Variants in LNPK observed in about 807,000 individuals in gnomAD.
LNPK encodes the protein lunapark, ER junction formation factor, also known as endoplasmic reticulum junction formation protein lunapark.
A neutral mutation model predicts 55.2 loss-of-function variants in LNPK; 29 were observed. That is an observed-to-expected ratio of 0.53 (90% CI 0.39 to 0.72). The LOEUF (loss-of-function observed/expected upper bound fraction) is 0.72, where lower values mean the gene tolerates loss of function less well. Ranked by LOEUF, LNPK falls within the 30% of genes least tolerant of loss-of-function variation. The probability of loss-of-function intolerance (pLI) is 0.00; values close to 1 mark genes in which losing one functional copy is unlikely to be tolerated. For missense variants in LNPK, 467 were observed against 494.8 expected (o/e 0.94, Z 0.53); for synonymous variants, 162 against 168.2 (o/e 0.96, Z 0.29).
chr2:175,951,809 A>G (rs1311046860), intron 8 of LNPK, among the ~76,000 whole-genome samples: 4 of 151,910 alleles, frequency 2.6e-5, no homozygotes, highest in Admixed American at 6.6e-5. Flanking sequence ...GGAAATCTCC[A>G]TACTGTTTTC....
chr2:175,955,683 A>G (rs1685657917), intron 8 of LNPK, among the ~76,000 whole-genome samples: 1 of 152,218 alleles, frequency 6.6e-6, no homozygotes, highest in South Asian at 2.1e-4. Context: ...AGCAAAATAT[A>G]AAGTATTGCT....
chr2:175,995,046 C>T (rs1232843212), intron 2 of LNPK, among the ~76,000 whole-genome samples: 2 of 151,346 alleles, frequency 1.3e-5, no homozygotes, highest in East Asian at 2.0e-4. Context: ...CTCAGCCTCC[C>T]GAGTAGCTGG....
At chr2:175,991,955 G>A (rs112609557) in intron 4 of LNPK, among the ~76,000 whole-genome samples, 155 of 152,156 alleles carry the variant, frequency 1.0e-3, no homozygotes, top group African/African-American at 3.3e-3. Context: ...AGTGCCCTTC[G>A]GGGAGCATGG....
At chr2:175,938,651 G>A (rs997616041) in intron 10 of LNPK, 4 of 229,632 alleles carry the variant, frequency 1.7e-5, no homozygotes, top group African/African-American at 4.5e-5. Flanking sequence ...TATTAAATTA[G>A]CAGAAACATA....
intron 4 of LNPK, among the ~76,000 whole-genome samples, chr2:175,982,615 G>C (rs369398597): frequency 6.6e-6 from 1 of 152,080 alleles, no homozygotes; most frequent in African/African-American, 2.4e-5. Flanking sequence ...GACTGGTCTT[G>C]AACTCCTGGC....
intron 4 of LNPK, among the ~76,000 whole-genome samples, chr2:175,981,414 G>A (rs1442204802): frequency 1.3e-5 from 2 of 152,140 alleles, no homozygotes; most frequent in Non-Finnish European, 2.9e-5. Context: ...GTGAATTTAG[G>A]AGTAGATTAG....
At chr2:175,989,949 A>T (rs1169424089) in intron 4 of LNPK, among the ~76,000 whole-genome samples, 3 of 152,224 alleles carry the variant, frequency 2.0e-5, no homozygotes, top group Admixed American at 2.0e-4. Flanking sequence ...CTTTCCAGTA[A>T]AAGCATTTGG....
At chr2:176,001,057 T>C (rs924858325) in intron 1 of LNPK, among the ~76,000 whole-genome samples, 2 of 152,196 alleles carry the variant, frequency 1.3e-5, no homozygotes, top group Admixed American at 1.3e-4. Context: ...ATATAAACAC[T>C]ATATAAGTTT....
At chr2:175,978,861 G>A (rs1328016797) in intron 5 of LNPK, among the ~76,000 whole-genome samples, 1 of 152,118 alleles carries the variant, frequency 6.6e-6, no homozygotes, top group Non-Finnish European at 1.5e-5. Context: ...AGAAGGAGGA[G>A]CAAAAGGGTC....
At chr2:175,966,389 G>A (rs568199179) in intron 6 of LNPK, among the ~76,000 whole-genome samples, 21 of 152,114 alleles carry the variant, frequency 1.4e-4, no homozygotes, top group Non-Finnish European at 2.8e-4. Flanking sequence ...TTTAAATAAT[G>A]TAAATGTAAA....
At chr2:175,991,427 G>A (rs899748103) in intron 4 of LNPK, among the ~76,000 whole-genome samples, 12 of 152,120 alleles carry the variant, frequency 7.9e-5, no homozygotes, top group Middle Eastern at 3.2e-3. Flanking sequence ...AGCTACATAC[G>A]AACTTATAAT....
chr2:175,956,959 C>T (rs1430727540), intron 8 of LNPK, among the ~76,000 whole-genome samples: 2 of 152,118 alleles, frequency 1.3e-5, no homozygotes, highest in African/African-American at 4.8e-5. Context: ...TATGACTATT[C>T]ATTTTAAGTA....
intron 6 of LNPK, among the ~76,000 whole-genome samples, chr2:175,968,110 T>C (rs1343882091): frequency 6.6e-6 from 1 of 152,186 alleles, no homozygotes; most frequent in Admixed American, 6.5e-5. Context: ...TTGTACCACT[T>C]CTCTATGATT....
chr2:175,980,076 T>C (rs553893685), intron 4 of LNPK, among the ~76,000 whole-genome samples: 2 of 152,324 alleles, frequency 1.3e-5, no homozygotes, highest in South Asian at 4.1e-4. Flanking sequence ...TCCACAGACC[T>C]TCTGATGATC....
At position 175,925,179 on chromosome 2, in the gene LNPK, C is replaced by T. The variant is rs918324731; in HGVS notation, c.*4788G>A. 1 of 152,116 alleles carries T rather than the reference C, an allele frequency of 6.6e-6. No individual in the cohort carries two copies. The highest frequency in any genetic ancestry group is 6.5e-5 in the Admixed American group (1 of 15,278). 9.4% of individuals were successfully genotyped at this position (152,116 alleles called of 1,614,324 possible). On this transcript the variant is annotated 3_prime_UTR_variant, in exon 13 of 13. Coordinates refer to ENST00000272748, the MANE Select transcript of LNPK (RefSeq NM_030650.3). The stretch of plus-strand genomic sequence containing the variant: ...CGCACATCCACACCCAAAGCTATAC[C>T]TCTTCTGATACAACTATGTTCTCCA...
At chr2:175,986,975 A>AAAAAAAACAAACG (rs1223201106) in intron 4 of LNPK, among the ~76,000 whole-genome samples, 1 of 152,026 alleles carries the variant, frequency 6.6e-6, no homozygotes, top group African/African-American at 2.4e-5. Flanking sequence ...AACAAGAAAA[A>AAAAAAAACAAACG]AAAAAAACAA....
At chr2:175,951,883 C>G (rs972867587) in intron 8 of LNPK, among the ~76,000 whole-genome samples, 1 of 151,656 alleles carries the variant, frequency 6.6e-6, no homozygotes, top group African/African-American at 2.4e-5. Flanking sequence ...TTCACCACAC[C>G]CACACCAACA....
intron 3 of LNPK, among the ~76,000 whole-genome samples, chr2:175,992,920 A>G (rs1687768083): frequency 6.6e-6 from 1 of 152,114 alleles, no homozygotes; most frequent in Non-Finnish European, 1.5e-5. Flanking sequence ...TATCTCATCT[A>G]TTTTGTCCTA....
At chr2:175,995,742 AATTT>A in intron 1 of LNPK, 96 bp from the exon 2 acceptor site, 1 of 371,300 alleles carries the variant, frequency 2.7e-6, no homozygotes, top group Non-Finnish European at 5.0e-6. Context: ...ATGAAATATT[AATTT>A]ATTTGGATGC....
Sources: gnomAD v4.1 joint callset for allele counts (sites outside exome capture counted in the v4.1 genomes callset) on GRCh38, gnomAD v4.1.1 for gene constraint, MANE v1.5 for transcripts, NCBI Gene and HGNC (gene_info 2026-07-23, HGNC 2026-07-21) for gene names.